The following LMBR1 variants were observed in gnomAD, a reference collection of about 807,000 sequenced individuals.
The protein encoded by LMBR1 is limb region 1 protein homolog.
Under a neutral mutation model 73.9 loss-of-function variants are expected in LMBR1, and 52 were observed. The observed-to-expected ratio is 0.70, with a 90% CI of 0.56 to 0.89. The LOEUF (loss-of-function observed/expected upper bound fraction) is 0.89. Among genes scored for constraint, LMBR1 ranks in the 40% least tolerant of loss-of-function variants. The probability of loss-of-function intolerance (pLI) is 0.00; values close to 1 mark genes in which losing one functional copy is unlikely to be tolerated. For synonymous variants in LMBR1, 215 were observed against 209.4 expected (o/e 1.03, Z -0.23); for missense variants, 539 against 579.8 (o/e 0.93, Z 0.72).
intron 1 of LMBR1, among the ~76,000 whole-genome samples, chr7:156,879,446 C>T (rs1419225315): frequency 2.6e-5 from 4 of 152,072 alleles, no homozygotes; most frequent in Admixed American, 6.6e-5. Context: ...GAGCAGATCC[C>T]GAGGTCAGGA....
intron 1 of LMBR1, among the ~76,000 whole-genome samples, chr7:156,875,320 C>T (rs377361023): frequency 1.4e-4 from 22 of 152,128 alleles, no homozygotes; most frequent in African/African-American, 4.3e-4. Context: ...TTTGGGATTA[C>T]GTTAAGTGAC....
chr7:156,749,700 G>GT (rs1302183826), intron 9 of LMBR1, among the ~76,000 whole-genome samples: 2 of 151,670 alleles, frequency 1.3e-5, no homozygotes, highest in African/African-American at 2.4e-5. Flanking sequence ...GGACTTTTTC[G>GT]TTTTTTTTAG....
chr7:156,836,581 G>C (rs1033483090), intron 2 of LMBR1, among the ~76,000 whole-genome samples: 1 of 152,152 alleles, frequency 6.6e-6, no homozygotes, highest in African/African-American at 2.4e-5. Flanking sequence ...ACTATTCTTA[G>C]TTGGACATAA....
intron 15 of LMBR1, among the ~76,000 whole-genome samples, chr7:156,718,664 G>T (rs535380697): frequency 2.6e-5 from 4 of 152,100 alleles, no homozygotes; most frequent in African/African-American, 9.7e-5. Flanking sequence ...TTGAGCCCAG[G>T]AAGTTGAGGC....
In LMBR1 at chr7:156,682,300, G is replaced by C. The variant is rs1805197398; in HGVS notation, c.*1778C>G. 1 of 152,222 alleles carries C rather than the reference G, an allele frequency of 6.6e-6. No individual in the cohort carries two copies. The highest frequency in any genetic ancestry group is 2.4e-5 in the African/African-American group (1 of 41,454). The allele number at this position is 152,222 out of a possible 1,614,324, so 9.4% of individuals were successfully genotyped here. ...ATGTGCCTGAAAGTGGTGTAAGTGA[G>C]AAGTGATATTACTCTACTCCTGAGT... On this transcript the variant is annotated 3_prime_UTR_variant, in exon 17 of 17. Coordinates refer to ENST00000353442, the MANE Select transcript of LMBR1 (RefSeq NM_022458.4).
In LMBR1 at chr7:156,707,828, C is replaced by T. The variant is rs1260130866; in HGVS notation, c.1225+16284G>A. ...CCTATTCAACAGAGTACTGACAGTTCTAGCCAGAACAATCAGGCAAGAGAA... is the reference window on the plus strand; with the variant it reads ...CCTATTCAACAGAGTACTGACAGTTTTAGCCAGAACAATCAGGCAAGAGAA... On this transcript the variant is annotated intron_variant, in intron 15 of 16. Transcript: ENST00000353442. 2.0e-5 allele frequency among the ~76,000 whole-genome samples: 3 copies of T among 152,112 alleles called. No individual in the cohort carries two copies. In the East Asian group the frequency reaches 5.8e-4, roughly 29 times the overall value.
At chr7:156,710,703 C>T (rs1811897391) in intron 15 of LMBR1, among the ~76,000 whole-genome samples, 1 of 152,162 alleles carries the variant, frequency 6.6e-6, no homozygotes, top group Non-Finnish European at 1.5e-5. Flanking sequence ...ATGATCATCA[C>T]ACAAACACGT....
chr7:156,850,155 A>C (rs1796044411), intron 1 of LMBR1, among the ~76,000 whole-genome samples: 1 of 152,152 alleles, frequency 6.6e-6, no homozygotes, highest in South Asian at 2.1e-4. Flanking sequence ...TCATAAACTG[A>C]CTAATGTTAT....
At chr7:156,784,374 C>T (rs1049818576) in intron 5 of LMBR1, among the ~76,000 whole-genome samples, 7 of 152,122 alleles carry the variant, frequency 4.6e-5, no homozygotes, top group African/African-American at 1.7e-4. Flanking sequence ...AGAGAGTGGA[C>T]GGAGGCAGGC....
chr7:156,690,086 G>A (rs911647583), intron 15 of LMBR1, among the ~76,000 whole-genome samples: 3 of 152,130 alleles, frequency 2.0e-5, no homozygotes, highest in Non-Finnish European at 4.4e-5. Flanking sequence ...CGGAGGACAC[G>A]GGAGATCCCA....
rs576040441 is a variant in LMBR1, at chr7:156,779,813, C to T, written c.424-16018G>A. ...TGGGAAAACTTCTACATTCACAGAA[C>T]ATTTAAAATAAATATCAAGCTATTG... On this transcript the variant is annotated intron_variant, in intron 5 of 16. Transcript: ENST00000353442. The T allele has an allele frequency of 6.0e-5, 30 of 498,396 alleles. No individual in the cohort carries two copies. The East Asian group carries it at 1.9e-3, about 32-fold the overall frequency. The allele number at this position is 498,396 out of a possible 1,614,324, so 30.9% of individuals were successfully genotyped here.
chr7:156,866,462 C>T (rs971324630), intron 1 of LMBR1, among the ~76,000 whole-genome samples: 3 of 150,522 alleles, frequency 2.0e-5, no homozygotes, highest in Non-Finnish European at 3.0e-5. Context: ...TGCAAATGTT[C>T]GTCTTGTGAG....
At chr7:156,768,747 T>G (rs1388855301) in intron 5 of LMBR1, among the ~76,000 whole-genome samples, 2 of 152,208 alleles carry the variant, frequency 1.3e-5, no homozygotes, top group African/African-American at 2.4e-5. Context: ...GGAGGCCTGT[T>G]AAGCTTCTTC....
At chr7:156,727,881 CAT>C in intron 12 of LMBR1, 47 bp downstream of exon 12, 1 of 1,282,600 alleles carries the variant, frequency 7.8e-7, no homozygotes, top group Non-Finnish European at 1.1e-6. Context: ...AGGGTATAGA[CAT>C]AGAATACTTT....
At chr7:156,855,386 T>A (rs970582046) in intron 1 of LMBR1, among the ~76,000 whole-genome samples, 1 of 152,028 alleles carries the variant, frequency 6.6e-6, no homozygotes, top group African/African-American at 2.4e-5. Flanking sequence ...CCTCTCCCCA[T>A]CTCTTAACAC....
intron 15 of LMBR1, among the ~76,000 whole-genome samples, chr7:156,694,277 C>T (rs562696450): frequency 4.6e-5 from 7 of 152,098 alleles, no homozygotes; most frequent in African/African-American, 1.4e-4. Context: ...GGACTATAGG[C>T]GCATGCCACC....
intron 1 of LMBR1, among the ~76,000 whole-genome samples, chr7:156,853,612 C>T (rs1242997443): frequency 6.6e-6 from 1 of 152,106 alleles, no homozygotes; most frequent in Admixed American, 6.6e-5. Context: ...AAGCAGCTGC[C>T]AAATGATGAA....
chr7:156,750,928 G>A (rs1820758095), intron 9 of LMBR1, among the ~76,000 whole-genome samples: 1 of 152,168 alleles, frequency 6.6e-6, no homozygotes, highest in South Asian at 2.1e-4. Flanking sequence ...TGGGCAATAT[G>A]GCAAAACCTT....
At chr7:156,802,136 C>T (rs1354147108) in intron 4 of LMBR1, among the ~76,000 whole-genome samples, 1 of 152,224 alleles carries the variant, frequency 6.6e-6, no homozygotes, top group Admixed American at 6.5e-5. Context: ...GCACGCGCCA[C>T]TGCGCCAGGC....
Sources: gnomAD v4.1 joint callset for allele counts (sites outside exome capture counted in the v4.1 genomes callset) on GRCh38, gnomAD v4.1.1 for gene constraint, MANE v1.5 for transcripts, NCBI Gene and HGNC (gene_info 2026-07-23, HGNC 2026-07-21) for gene names.